The following EIPR1 variants were observed in gnomAD, a reference collection of about 807,000 sequenced individuals.
EIPR1 encodes the protein EARP and GARP complex-interacting protein 1.
EIPR1 carries 25 observed loss-of-function variants against 48.1 expected under a neutral mutation model. The ratio of observed to expected loss-of-function variants is 0.52; its 90% CI spans 0.38 to 0.73. The LOEUF (loss-of-function observed/expected upper bound fraction) is 0.73. Ranked by LOEUF, EIPR1 falls within the 30% of genes least tolerant of loss-of-function variation. The probability of loss-of-function intolerance (pLI) is 0.00; values close to 1 mark genes in which losing one functional copy is unlikely to be tolerated. For missense variants in EIPR1, 415 were observed against 506.2 expected (o/e 0.82, Z 1.73); for synonymous variants, 204 against 201.9 (o/e 1.01, Z -0.09).
In EIPR1 at chr2:3,341,045, G is replaced by A. The variant is rs368561185; in HGVS notation, c.127-2896C>T. The stretch of plus-strand genomic sequence containing the variant: ...CCTGGAGGGGGAGGTGCAGTGAGCC[G>A]AGATCACGCCACTGCACTCCAGCCT... On this transcript the variant is annotated intron_variant, in intron 2 of 8. Coordinates refer to ENST00000382125, the MANE Select transcript of EIPR1 (RefSeq NM_003310.5). 2.1e-4 allele frequency among the ~76,000 whole-genome samples: 28 copies of A among 130,806 alleles called. No homozygotes were observed. In the East Asian group the frequency reaches 4.2e-3, roughly 19 times the overall value. The allele number at this position is 130,806 out of a possible 152,430, so 85.8% of individuals were successfully genotyped here. A position where few individuals can be genotyped will look rare whatever the true frequency, so the allele number is the denominator to read the frequency against.
At chr2:3,301,535 T>C (rs1456935793) in intron 3 of EIPR1, 1 of 152,232 alleles carries the variant, frequency 6.6e-6, no homozygotes, top group African/African-American at 2.4e-5. Flanking sequence ...TCTTTCTTCT[T>C]CCAAGTGGGC....
chr2:3,242,226 C>T (rs1403639184), intron 4 of EIPR1, among the ~76,000 whole-genome samples: 5 of 145,626 alleles, frequency 3.4e-5, no homozygotes, highest in Admixed American at 6.8e-5. Context: ...TTCAGGCCCC[C>T]GACTCCACAC....
chr2:3,350,344 C>A (rs945749270), intron 2 of EIPR1, among the ~76,000 whole-genome samples: 1 of 151,996 alleles, frequency 6.6e-6, no homozygotes, highest in Non-Finnish European at 1.5e-5. Context: ...AACAATCAGA[C>A]CTGTGATAAC....
At chr2:3,199,479 C>G (rs964538760) in intron 5 of EIPR1, among the ~76,000 whole-genome samples, 5 of 152,234 alleles carry the variant, frequency 3.3e-5, no homozygotes, top group Non-Finnish European at 7.3e-5. Context: ...TCTTCTGTCA[C>G]GGCTTCAGCA....
At chr2:3,218,918 A>G (rs1306373385) in intron 4 of EIPR1, among the ~76,000 whole-genome samples, 13 of 131,724 alleles carry the variant, frequency 9.9e-5, no homozygotes, top group South Asian at 2.7e-4. Context: ...CACGGCCCCG[A>G]TACGCTCTAG....
At chr2:3,275,426 T>G (rs531184307) in intron 3 of EIPR1, among the ~76,000 whole-genome samples, 2 of 150,766 alleles carry the variant, frequency 1.3e-5, no homozygotes, top group Admixed American at 6.6e-5. Context: ...AATATCATAG[T>G]GGGAGACTTT....
chr2:3,363,443 C>T (rs991286329), intron 1 of EIPR1, among the ~76,000 whole-genome samples: 3 of 152,160 alleles, frequency 2.0e-5, no homozygotes, highest in African/African-American at 7.2e-5. Context: ...TGCCTATAAT[C>T]CCAATACTGA....
In EIPR1 at chr2:3,286,539, C is replaced by T. The variant is rs554710813; in HGVS notation, c.260-29084G>A. ...AGGGAAAGGCTGAGGCATCAGGCTT[C>T]GGGCTGTGTCTACCTTGGTGACTCT... On this transcript the variant is annotated intron_variant, in intron 3 of 8. Transcript: ENST00000382125. The surrounding 1 kb of genome is among the most constrained non-coding windows in gnomAD (Gnocchi z 4.2). Among the ~76,000 whole-genome samples, 28 of 152,202 alleles carry T rather than the reference C, an allele frequency of 1.8e-4. No homozygotes were observed. The highest frequency in any genetic ancestry group is 3.2e-4 in the Non-Finnish European group (22 of 68,038).
Position 3,189,328 on chromosome 2 carries a change from C to G in EIPR1, c.*6G>C. ...CAATGGGACCTGGATAACCCAGGCC[C>G]GGGAGTCATAGCAGGATGTGGTACT... is the stretch of plus-strand genomic sequence containing the variant. On this transcript the variant is annotated 3_prime_UTR_variant, in exon 9 of 9. Transcript: ENST00000382125. The surrounding 1 kb of genome is among the most constrained non-coding windows in gnomAD (Gnocchi z 4.6). The G allele has an allele frequency of 1.3e-6, 2 of 1,571,758 alleles. No individual in the cohort carries two copies. The highest frequency in any genetic ancestry group is 1.1e-5 in the South Asian group (1 of 87,680).
intron 3 of EIPR1, among the ~76,000 whole-genome samples, chr2:3,258,719 T>C (rs1572365595): frequency 6.6e-6 from 1 of 152,292 alleles, no homozygotes; most frequent in East Asian, 1.9e-4. Flanking sequence ...CATGATTGAA[T>C]GATAAGAAGT....
intron 4 of EIPR1, among the ~76,000 whole-genome samples, chr2:3,214,884 G>A (rs1467707617): frequency 6.6e-6 from 1 of 152,176 alleles, no homozygotes; most frequent in Non-Finnish European, 1.5e-5. Flanking sequence ...AGGGTTAGAG[G>A]AGGTCATGAG....
At chr2:3,301,679 C>T (rs1305822538) in intron 3 of EIPR1, among the ~76,000 whole-genome samples, 1 of 152,208 alleles carries the variant, frequency 6.6e-6, no homozygotes, top group African/African-American at 2.4e-5. Context: ...ACACCTCAAA[C>T]CTCTTATTTT....
chr2:3,302,441 G>C (rs1476723026), intron 3 of EIPR1, among the ~76,000 whole-genome samples: 1 of 152,218 alleles, frequency 6.6e-6, no homozygotes, highest in Non-Finnish European at 1.5e-5. Flanking sequence ...CTGAAATCCA[G>C]GTCCTTGGCT....
At chr2:3,366,138 T>C (rs1250779220) in intron 1 of EIPR1, among the ~76,000 whole-genome samples, 2 of 152,094 alleles carry the variant, frequency 1.3e-5, no homozygotes, top group African/African-American at 4.8e-5. Context: ...CAAAACCCTG[T>C]CTCTACGAAA....
At position 3,286,008 on chromosome 2, in the gene EIPR1, A is replaced by G. The variant is rs1668174603; in HGVS notation, c.260-28553T>C. 1.3e-5 allele frequency among the ~76,000 whole-genome samples: 2 copies of G among 152,174 alleles called. No individual in the cohort carries two copies. Among genetic ancestry groups the G allele is most frequent in the Admixed American group, 1.3e-4 (2 of 15,284 alleles). ...GGAAGCAGTGCCCTGCCCTGAGGAC[A>G]TGGGGCAGCCGGCTGTAGGTGTTCC... On this transcript the variant is annotated intron_variant, in intron 3 of 8. Transcript: ENST00000382125. The surrounding 1 kb of genome is among the most constrained non-coding windows in gnomAD (Gnocchi z 4.2).
chr2:3,311,850 C>T (rs1669141187), intron 3 of EIPR1, among the ~76,000 whole-genome samples: 1 of 152,134 alleles, frequency 6.6e-6, no homozygotes, highest in Non-Finnish European at 1.5e-5. Context: ...GGGAGGGGAG[C>T]TCCAGTCACC....
chr2:3,297,415 C>T (rs372371549), intron 3 of EIPR1, among the ~76,000 whole-genome samples: 51 of 152,326 alleles, frequency 3.3e-4, no homozygotes, highest in African/African-American at 1.2e-3. Context: ...AGATGGTGGG[C>T]ATTTGCCCTA....
intron 3 of EIPR1, among the ~76,000 whole-genome samples, chr2:3,301,817 A>G (rs1668768815): frequency 6.6e-6 from 1 of 152,232 alleles, no homozygotes; most frequent in Non-Finnish European, 1.5e-5. Context: ...CCCACCATTT[A>G]AAATGTCTTA....
At chr2:3,260,477 C>T (rs941492806) in intron 3 of EIPR1, among the ~76,000 whole-genome samples, 4 of 112,964 alleles carry the variant, frequency 3.5e-5, no homozygotes, top group Admixed American at 1.3e-4. Context: ...GGCAACACAG[C>T]GAGACTCCAT....
Sources: allele counts gnomAD v4.1 joint callset (sites outside exome capture counted in the v4.1 genomes callset), GRCh38; gene constraint gnomAD v4.1.1; non-coding constraint Gnocchi (gnomAD v3.1); transcripts MANE v1.5; gene names NCBI Gene and HGNC (gene_info 2026-07-23, HGNC 2026-07-21).